LCA5L: variants seen among roughly 807,000 people sequenced by gnomAD.
The protein encoded by LCA5L is lebercilin-like protein.
A neutral mutation model predicts 45.4 loss-of-function variants in LCA5L; 35 were observed. The ratio of observed to expected loss-of-function variants is 0.77; its 90% confidence interval spans 0.59 to 1.02. The LOEUF (loss-of-function observed/expected upper bound fraction) is 1.02, where lower values mean the gene tolerates loss of function less well. LCA5L is among the 50% of genes least tolerant of loss of function. LCA5L has a pLI of 0.00. For synonymous variants in LCA5L, 233 were observed against 264.7 expected, an observed-to-expected ratio of 0.88 and a Z score of 1.16; for missense variants, 668 against 761.6, an observed-to-expected ratio of 0.88 and a Z score of 1.45.
intron 2 of LCA5L, among the ~76,000 whole-genome samples, chr21:39,442,294 G>GCGGTTTCAGATGAGTCTTGAGA (rs2076943928): frequency 6.6e-6 from 1 of 152,212 alleles, no homozygotes; most frequent in Non-Finnish European, 1.5e-5. Context: ...AGAAGGGCCA[G>GCGGTTTCAGATGAGTCTTGAGA]CGGTTTCAGA....
chr21:39,413,596 G>A (rs2040488732), intron 7 of LCA5L, among the ~76,000 whole-genome samples: 1 of 152,168 alleles, frequency 6.6e-6, no homozygotes, highest in Non-Finnish European at 1.5e-5. Flanking sequence ...ATCTTTTCTA[G>A]AATTTAAGTT....
intron 7 of LCA5L, among the ~76,000 whole-genome samples, chr21:39,420,379 C>A (rs540606906): frequency 6.6e-6 from 1 of 152,024 alleles, no homozygotes; most frequent in African/African-American, 2.4e-5. Context: ...AAAAATTAGC[C>A]AAGCGTGGTG....
At position 39,406,281 on chromosome 21, in the gene LCA5L, A is replaced by T; in HGVS notation, c.1614T>A (p.Pro538=). ...CGGCATTGGCTGGCCCCCCTGAAGC[A>T]GGAAGCCCATGATGCAGGTTTTCAG... ...EATENLHHGL[P]ASGGPANAGN... is the part of the protein sequence containing the mutation. The change falls in exon 11 of 11, where the codon CCT becomes CCA. Residue 538 remains proline, a synonymous_variant. Coordinates refer to ENST00000288350, the MANE Select transcript of LCA5L (RefSeq NM_152505.4). The T allele has an allele frequency of 6.2e-7, 1 of 1,614,222 alleles. No homozygotes were observed. The highest frequency in any genetic ancestry group is 1.1e-5 in the South Asian group (1 of 91,090).
rs1182200066 is a variant in LCA5L at position 39,423,387 on chromosome 21, T to C, written c.426A>G (p.Arg142=). Residue 142 remains arginine (R), a synonymous_variant, in exon 6 of 11, where the codon CGA becomes CGG. Transcript: ENST00000288350. ...TTTTATGAAGCCTTGCTGAGAGTAT[T>C]CGATGAGCCATAGCATCTCTTCTTT... The part of the protein sequence containing the change: ...IAQRRDAMAH[R]ILSARLHKIK... 6.2e-7 allele frequency: 1 copy of C among 1,611,536 alleles called. No individual in the cohort carries two copies. Among genetic ancestry groups the C allele is most frequent in the Non-Finnish European group, 8.5e-7 (1 of 1,179,820 alleles).
At chr21:39,437,984 A>G (rs969137167) in intron 2 of LCA5L, among the ~76,000 whole-genome samples, 2 of 152,238 alleles carry the variant, frequency 1.3e-5, no homozygotes, top group South Asian at 2.1e-4. Context: ...TGTATTCTCA[A>G]TGAAATACTG....
intron 2 of LCA5L, among the ~76,000 whole-genome samples, chr21:39,436,381 T>C (rs1227263710): frequency 6.6e-6 from 1 of 152,176 alleles, no homozygotes; most frequent in Non-Finnish European, 1.5e-5. Context: ...ACGCATATAA[T>C]GAAAAAAATT....
chr21:39,414,976 A>G (rs2147340416), intron 7 of LCA5L, among the ~76,000 whole-genome samples: 1 of 152,248 alleles, frequency 6.6e-6, no homozygotes, highest in Non-Finnish European at 1.5e-5. Flanking sequence ...CAGTGGCGCC[A>G]TCACTAAAGC....
chr21:39,421,738 G>C (rs1426872359), intron 6 of LCA5L: 1 of 151,984 alleles, frequency 6.6e-6, no homozygotes, highest in East Asian at 1.9e-4. Flanking sequence ...AGCTACAAGG[G>C]GAAAGAATCA....
chr21:39,409,971 A>T lies in LCA5L; in HGVS notation c.1282+8T>A, dbSNP rs767458635. On this transcript the variant is annotated splice_region_variant and intron_variant, in intron 10 of 10. Coordinates refer to ENST00000288350, the MANE Select transcript of LCA5L (RefSeq NM_152505.4). The surrounding 1 kb of genome is among the most constrained non-coding windows in gnomAD (Gnocchi z 4.2). ...CAGATAAGATAGACTTTAAAGAGTTAAAATTACCTTCATATTTTCTCTTAG... is the reference window on the plus strand; with the variant it reads ...CAGATAAGATAGACTTTAAAGAGTTTAAATTACCTTCATATTTTCTCTTAG... 1.4e-6 allele frequency: 2 copies of T among 1,417,020 alleles called. No homozygotes were observed. Among genetic ancestry groups the T allele is most frequent in the Non-Finnish European group, 2.0e-6 (2 of 1,007,640 alleles). 87.8% of individuals were successfully genotyped at this position (1,417,020 alleles called of 1,614,324 possible).
intron 7 of LCA5L, among the ~76,000 whole-genome samples, chr21:39,414,732 C>CTGTGTGTGTG (rs1464601997): frequency 9.1e-5 from 10 of 110,496 alleles, no homozygotes; most frequent in African/African-American, 3.9e-4. Context: ...CTCTCTCTCT[C>CTGTGTGTGTG]TCTCTCTCTC....
chr21:39,440,074 T>TGC (rs1311588682), intron 2 of LCA5L, among the ~76,000 whole-genome samples: 1 of 152,178 alleles, frequency 6.6e-6, no homozygotes, highest in East Asian at 1.9e-4. Context: ...TATGTGTATA[T>TGC]ACATATGTAT....
intron 2 of LCA5L, among the ~76,000 whole-genome samples, chr21:39,439,124 C>A (rs1465015637): frequency 6.6e-6 from 1 of 152,156 alleles, no homozygotes; most frequent in Non-Finnish European, 1.5e-5. Flanking sequence ...CTAAGAAGGA[C>A]ACAGGAGGGG....
At chr21:39,433,308 C>T (rs150152523) in intron 3 of LCA5L, among the ~76,000 whole-genome samples, 1 of 149,998 alleles carries the variant, frequency 6.7e-6, no homozygotes, top group African/African-American at 2.5e-5. Context: ...ATCCCAGCTA[C>T]TTGGGAGGCT....
At chr21:39,428,122 ACAT>A (rs1434264682) in intron 5 of LCA5L, 47 bp downstream of exon 5, 1 of 1,071,328 alleles carries the variant, frequency 9.3e-7, no homozygotes, top group Non-Finnish European at 1.4e-6. Context: ...CAGTAAAATA[ACAT>A]CATTATGACA....
intron 7 of LCA5L, among the ~76,000 whole-genome samples, chr21:39,416,230 C>G (rs2041130233): frequency 6.6e-6 from 1 of 152,174 alleles, no homozygotes; most frequent in Non-Finnish European, 1.5e-5. Context: ...ATGCTGTTCC[C>G]TAGTATCCTC....
intron 3 of LCA5L, among the ~76,000 whole-genome samples, chr21:39,430,413 T>C (rs1404257305): frequency 1.3e-5 from 2 of 152,204 alleles, no homozygotes; most frequent in African/African-American, 4.8e-5. Flanking sequence ...TCATGTTACA[T>C]TCACAAATTG....
Position 39,420,718 on chromosome 21 carries a change from T to C in LCA5L, c.963A>G (p.Gln321=), listed in dbSNP as rs770636202. Residue 321 remains glutamine, a synonymous_variant, in exon 7 of 11, where the codon CAA becomes CAG. Coordinates refer to ENST00000288350, the MANE Select transcript of LCA5L (RefSeq NM_152505.4). ...KTLQVEVKHL[Q]QKLKEKDREL... ...TTAAAAGAAATACCTTAAGTTTTTGTTGAAGGTGTTTTACTTCCACCTGCA... is the reference window on the plus strand; with the variant it reads ...TTAAAAGAAATACCTTAAGTTTTTGCTGAAGGTGTTTTACTTCCACCTGCA... 1 of 1,611,808 alleles carries C rather than the reference T, an allele frequency of 6.2e-7. No individual in the cohort carries two copies. The highest frequency in any genetic ancestry group is 8.5e-7 in the Non-Finnish European group (1 of 1,178,598).
chr21:39,408,800 C>T (rs1249910861), intron 10 of LCA5L: 1 of 152,224 alleles, frequency 6.6e-6, no homozygotes, highest in East Asian at 1.9e-4. Context: ...TTCTATCTCC[C>T]AGGATGATTC....
In LCA5L at chr21:39,420,902, A is replaced by AT. The variant is rs1205991428; in HGVS notation, c.838-60dup. Reference sequence around the variant, plus strand: ...CCAAGTTAGTATGTTAAAAACTTCAATTATCATGGAACTAACTACATTTAT... The same window carrying AT: ...CCAAGTTAGTATGTTAAAAACTTCAATTTATCATGGAACTAACTACATTTAT... On this transcript the variant is annotated intron_variant, in intron 6 of 10. Coordinates refer to ENST00000288350, the MANE Select transcript of LCA5L (RefSeq NM_152505.4). The AT allele has an allele frequency of 2.2e-6, 3 of 1,337,454 alleles. No homozygotes were observed. In the African/African-American group the frequency reaches 4.4e-5, roughly 19 times the overall value. 82.8% of individuals were successfully genotyped at this position (1,337,454 alleles called of 1,614,324 possible). A position where few individuals can be genotyped will look rare whatever the true frequency, so the allele number is the denominator to read the frequency against.
Sources: allele counts gnomAD v4.1 joint callset (sites outside exome capture counted in the v4.1 genomes callset), GRCh38; gene constraint gnomAD v4.1.1; non-coding constraint Gnocchi (gnomAD v3.1); transcripts MANE v1.5; gene names NCBI Gene and HGNC (gene_info 2026-07-23, HGNC 2026-07-21).